Variants in DEFB116 observed in about 807,000 individuals in gnomAD.
DEFB116 encodes beta-defensin 116.
In DEFB116, 5 loss-of-function variants were observed where a neutral mutation model predicts 2.8. The observed-to-expected ratio is 1.80, with a 90% CI of 0.94 to 3.79. The LOEUF (loss-of-function observed/expected upper bound fraction) is 3.79, where lower values mean the gene tolerates loss of function less well. DEFB116 is among the 30% of genes most tolerant of loss of function. The probability of loss-of-function intolerance (pLI) is 0.00; values close to 1 mark genes in which losing one functional copy is unlikely to be tolerated. For synonymous variants in DEFB116, 56 were observed against 40.8 expected, an observed-to-expected ratio of 1.37 and a Z score of -1.42; for missense variants, 170 against 118.0, an observed-to-expected ratio of 1.44 and a Z score of -2.04.
At chr20:31,303,646 C>T (rs917232191) in intron 1 of DEFB116, among the ~76,000 whole-genome samples, 193 bp from the exon 2 acceptor site, 1 of 152,162 alleles carries the variant, frequency 6.6e-6, no homozygotes, top group Non-Finnish European at 1.5e-5. Flanking sequence ...CTCCAGTCCT[C>T]CATTGCATCA....
intron 1 of DEFB116, among the ~76,000 whole-genome samples, chr20:31,303,782 T>G (rs1318232482): frequency 1.3e-5 from 2 of 152,118 alleles, no homozygotes; most frequent in Non-Finnish European, 2.9e-5. Flanking sequence ...GATGATGTAG[T>G]TGATATGAAA....
At position 31,303,353 on chromosome 20, in the gene DEFB116, G is replaced by T. The variant is rs760028817; in HGVS notation, c.168C>A (p.Ile56=). ...MCRNACREYE[I]QYLTCPNDQK... is the part of the protein sequence containing the mutation. ...GATCATTTGGGCAGGTTAAGTATTG[G>T]ATTTCATATTCTCTGCAGGCGTTTC... is the stretch of plus-strand genomic sequence containing the variant. Residue 56 remains isoleucine (I), a synonymous_variant, in exon 2 of 2, where the codon ATC becomes ATA. Transcript: ENST00000400549. 1 of 1,613,584 alleles carries T rather than the reference G, an allele frequency of 6.2e-7. No homozygotes were observed. The highest frequency in any genetic ancestry group is 2.2e-5 in the East Asian group (1 of 44,872).
intron 1 of DEFB116, among the ~76,000 whole-genome samples, chr20:31,304,783 A>G (rs1284157405): frequency 1.3e-5 from 2 of 152,062 alleles, no homozygotes; most frequent in African/African-American, 2.4e-5. Flanking sequence ...CAGGCCATGG[A>G]CTCAGTGCTA....
Position 31,308,490 on chromosome 20 carries a change from C to T in DEFB116, c.67+29G>A, listed in dbSNP as rs766071680. The T allele has an allele frequency of 2.5e-6, 4 of 1,612,336 alleles. No homozygotes were observed. In the African/African-American group the frequency reaches 5.3e-5, roughly 22 times the overall value. Reference sequence around the variant, plus strand: ...AGATACCAGTACCACATGCAAGACGCCAGAACCTTTGAGAGAGGCCTGAGT... The same window carrying T: ...AGATACCAGTACCACATGCAAGACGTCAGAACCTTTGAGAGAGGCCTGAGT... On this transcript the variant is annotated intron_variant, in intron 1 of 1. Coordinates refer to ENST00000400549, the MANE Select transcript of DEFB116 (RefSeq NM_001037731.1).
intron 1 of DEFB116, among the ~76,000 whole-genome samples, chr20:31,307,750 C>G (rs1409586547): frequency 6.6e-6 from 1 of 152,108 alleles, no homozygotes; most frequent in South Asian, 2.1e-4. Flanking sequence ...AGCTTAATCA[C>G]CCCCAAACCC....
intron 1 of DEFB116, among the ~76,000 whole-genome samples, chr20:31,307,006 C>T (rs1002742885): frequency 1.3e-5 from 2 of 152,034 alleles, no homozygotes; most frequent in African/African-American, 4.8e-5. Flanking sequence ...TCCCCATTTC[C>T]TTATTTAAAT....
intron 1 of DEFB116, 115 bp from the exon 2 acceptor site, chr20:31,303,568 A>C (rs1011167201): frequency 1.6e-5 from 22 of 1,416,696 alleles, no homozygotes; most frequent in Non-Finnish European, 1.8e-5. Flanking sequence ...TGGAATCAAA[A>C]CTACCTAGAT....
chr20:31,304,623 G>C (rs1247535660), intron 1 of DEFB116, among the ~76,000 whole-genome samples: 1 of 152,012 alleles, frequency 6.6e-6, no homozygotes, highest in African/African-American at 2.4e-5. Context: ...GATAGGCACA[G>C]AGAAGACGGC....
Position 31,303,466 on chromosome 20 carries a change from T to TGG in DEFB116, c.68-15_68-14dup. Reference sequence around the variant, plus strand: ...CTGAACAGGCCACCTGGGAAAGACATGGCCATGTTTAGTTTCCATGCAGCA... The same window carrying TGG: ...CTGAACAGGCCACCTGGGAAAGACATGGGGCCATGTTTAGTTTCCATGCAGCA... On this transcript the variant is annotated splice_polypyrimidine_tract_variant and intron_variant, in intron 1 of 1. Coordinates refer to ENST00000400549, the MANE Select transcript of DEFB116 (RefSeq NM_001037731.1). 6.2e-7 allele frequency: 1 copy of TGG among 1,612,358 alleles called. No individual in the cohort carries two copies.
At chr20:31,304,724 A>G (rs956858504) in intron 1 of DEFB116, among the ~76,000 whole-genome samples, 4 of 151,966 alleles carry the variant, frequency 2.6e-5, no homozygotes, top group Admixed American at 1.3e-4. Flanking sequence ...GACCTTTTCA[A>G]CCATCCCCCC....
At chr20:31,306,563 G>C (rs186072921) in intron 1 of DEFB116, among the ~76,000 whole-genome samples, 24 of 152,196 alleles carry the variant, frequency 1.6e-4, no homozygotes, top group African/African-American at 4.1e-4. Context: ...CATTAGAAAT[G>C]AGAACTGAGC....
chr20:31,308,441 TA>T, intron 1 of DEFB116, 77 bp downstream of exon 1: 1 of 1,421,068 alleles, frequency 7.0e-7, no homozygotes, highest in Non-Finnish European at 9.9e-7. Context: ...TATATGTGAG[TA>T]GGAGTCACTG....
rs540450843 is a variant in DEFB116, at chr20:31,308,471, C to T, written c.67+48G>A. On this transcript the variant is annotated intron_variant, in intron 1 of 1. Transcript: ENST00000400549. ...GTCACTGCAGAGGTCACCAAGATAC[C>T]AGTACCACATGCAAGACGCCAGAAC... 4 of 1,593,892 alleles carry T rather than the reference C, an allele frequency of 2.5e-6. No individual in the cohort carries two copies. The South Asian group carries it at 3.3e-5, about 13-fold the overall frequency.
At chr20:31,303,827 C>T (rs1025448897) in intron 1 of DEFB116, among the ~76,000 whole-genome samples, 1 of 152,072 alleles carries the variant, frequency 6.6e-6, no homozygotes, top group Non-Finnish European at 1.5e-5. Flanking sequence ...TCAAGGTATG[C>T]CACTGTGAGC....
chr20:31,306,791 G>T (rs559685854), intron 1 of DEFB116, among the ~76,000 whole-genome samples: 3 of 152,124 alleles, frequency 2.0e-5, no homozygotes, highest in Non-Finnish European at 2.9e-5. Flanking sequence ...TTTTCTATAG[G>T]GTGGGCTGAG....
Position 31,303,227 on chromosome 20 carries a change from G to A in DEFB116, c.294C>T (p.Ser98=), listed in dbSNP as rs1485080856. ...TTGGTGATATTCAAATGTGAGAGTA[G>A]CTTGAACTGTTTGTAACTGACAAGT... ...NSNLSVTNSS[S]YSHI is the part of the protein sequence containing the mutation. The change falls in exon 2 of 2, where the codon AGC becomes AGT. Residue 98 remains serine (S), a synonymous_variant. Transcript: ENST00000400549. The A allele has an allele frequency of 1.2e-6, 2 of 1,613,292 alleles. No homozygotes were observed. Among genetic ancestry groups the A allele is most frequent in the Non-Finnish European group, 1.7e-6 (2 of 1,179,492 alleles).
chr20:31,307,365 T>C (rs1206336291), intron 1 of DEFB116, among the ~76,000 whole-genome samples: 2 of 152,134 alleles, frequency 1.3e-5, no homozygotes, highest in African/African-American at 4.8e-5. Context: ...GGTATCTAGA[T>C]GCAAAATAAT....
rs200042260 is a variant in DEFB116 at position 31,308,504 on chromosome 20, A to G, written c.67+15T>C. ...CATGCAAGACGCCAGAACCTTTGAGAGAGGCCTGAGTTACCTGGAGTCTTT... is the reference window on the plus strand; with the variant it reads ...CATGCAAGACGCCAGAACCTTTGAGGGAGGCCTGAGTTACCTGGAGTCTTT... On this transcript the variant is annotated intron_variant, in intron 1 of 1. Transcript: ENST00000400549. The G allele has an allele frequency of 2.5e-6, 4 of 1,613,268 alleles. No individual in the cohort carries two copies. The East Asian group carries it at 8.9e-5, about 36-fold the overall frequency.
intron 1 of DEFB116, 31 bp downstream of exon 1, chr20:31,308,488 C>A: frequency 6.2e-7 from 1 of 1,611,560 alleles, no homozygotes; most frequent in Non-Finnish European, 8.5e-7. Context: ...ACATGCAAGA[C>A]GCCAGAACCT....
Sources: allele counts gnomAD v4.1 joint callset (sites outside exome capture counted in the v4.1 genomes callset), GRCh38; gene constraint gnomAD v4.1.1; transcripts MANE v1.5; gene names NCBI Gene and HGNC (gene_info 2026-07-23, HGNC 2026-07-21).